CIB3: variants seen among roughly 807,000 people sequenced by gnomAD.
CIB3 encodes calcium and integrin binding family member 3, also known as calcium and integrin-binding family member 3.
In CIB3, 22 loss-of-function variants were observed where a neutral mutation model predicts 23.4. The observed-to-expected ratio is 0.94, with a 90% CI of 0.67 to 1.34. The LOEUF is 1.34. CIB3 is among the 40% of genes most tolerant of loss of function. The pLI, the probability that CIB3 is intolerant of heterozygous loss-of-function variation, is 0.00. For missense variants in CIB3, 258 were observed against 247.3 expected (o/e 1.04, Z -0.29); for synonymous variants, 93 against 95.8 (o/e 0.97, Z 0.17).
chr19:16,173,327 C>A (rs1300035541), intron 1 of CIB3, 98 bp downstream of exon 1: 5 of 1,557,480 alleles, frequency 3.2e-6, no homozygotes, highest in Non-Finnish European at 4.4e-6. Context: ...GGAACCCAGG[C>A]GGACGGTACA....
intron 5 of CIB3, among the ~76,000 whole-genome samples, chr19:16,162,577 C>A (rs543030524): frequency 2.0e-5 from 3 of 152,044 alleles, no homozygotes; most frequent in East Asian, 1.9e-4. Context: ...CATGGCGAAA[C>A]CTTATCTCTA....
intron 4 of CIB3, among the ~76,000 whole-genome samples, chr19:16,167,543 C>T (rs2091310778): frequency 6.6e-6 from 1 of 151,880 alleles, no homozygotes; most frequent in South Asian, 2.1e-4. Context: ...TAAGAAGGAG[C>T]CAGGGGAGCT....
At chr19:16,161,525 G>A (rs754374493) in intron 5 of CIB3, 39 bp from the exon 6 acceptor site, 5 of 1,612,276 alleles carry the variant, frequency 3.1e-6, no homozygotes, top group South Asian at 2.2e-5. Flanking sequence ...CCTTCAAGGA[G>A]TGGACAACCC....
chr19:16,168,231 G>T lies in CIB3; in HGVS notation c.252C>A (p.Gly84=), dbSNP rs1239146306. Residue 84 remains glycine, a synonymous_variant, in exon 4 of 6, where the codon GGC becomes GGA. Transcript: ENST00000269878. ...IAQVFSEDGD[G]HMTLDNFLDM... is the part of the protein sequence containing the mutation. The stretch of plus-strand genomic sequence containing the variant: ...CCAAAAAGTTGTCCAGGGTCATGTG[G>T]CCATCCCCATCCTCAGAGAATACCT... The T allele has an allele frequency of 1.9e-6, 3 of 1,613,638 alleles. No homozygotes were observed. The highest frequency in any genetic ancestry group is 1.7e-6 in the Non-Finnish European group (2 of 1,179,870).
At position 16,169,688 on chromosome 19, in the gene CIB3, G is replaced by T. The variant is rs1448333963; in HGVS notation, c.140C>A (p.Thr47Asn). The T allele has an allele frequency of 2.5e-6, 4 of 1,613,674 alleles. No homozygotes were observed. Among genetic ancestry groups the T allele is most frequent in the Non-Finnish European group, 3.4e-6 (4 of 1,179,768 alleles). Residue 47 changes from threonine to asparagine, a missense_variant, in exon 3 of 6, where the codon ACC (threonine) becomes AAC (asparagine). Physicochemically the swap from Thr to Asn is moderately conservative, Grantham distance 65. Coordinates refer to ENST00000269878, the MANE Select transcript of CIB3 (RefSeq NM_054113.4). The stretch of plus-strand genomic sequence containing the variant: ...GGGCACCTTCACATCGGGGCAGGTG[G>T]TATAGTCGAGGGGCACGAGCTGTGG... ...LAPQLVPLDYTTCPDVKVPYE... is the reference protein window; with the variant it reads ...LAPQLVPLDYNTCPDVKVPYE...
intron 5 of CIB3, among the ~76,000 whole-genome samples, chr19:16,163,314 GGA>G (rs2145076519): frequency 6.6e-6 from 1 of 152,242 alleles, no homozygotes; most frequent in East Asian, 1.9e-4. Flanking sequence ...CAGCAGTCTG[GGA>G]GGCCACAGTA....
intron 2 of CIB3, among the ~76,000 whole-genome samples, chr19:16,171,662 G>T (rs1232036951): frequency 6.6e-6 from 1 of 152,104 alleles, no homozygotes; most frequent in African/African-American, 2.4e-5. Context: ...AGAAGCTTGG[G>T]ACAGACAAAA....
chr19:16,166,388 A>T (rs55953892), intron 4 of CIB3, among the ~76,000 whole-genome samples: 1 of 152,136 alleles, frequency 6.6e-6, no homozygotes, highest in African/African-American at 2.4e-5. Context: ...TATTTCTTGA[A>T]CACGTACTAC....
At position 16,161,896 on chromosome 19, in the gene CIB3, G is replaced by A. The variant is rs190533031; in HGVS notation, c.543-410C>T. Among the ~76,000 whole-genome samples, 22 of 151,572 alleles carry A rather than the reference G, an allele frequency of 1.5e-4. No individual in the cohort carries two copies. In the South Asian group the frequency reaches 3.1e-3, roughly 22 times the overall value. On this transcript the variant is annotated intron_variant, in intron 5 of 5. Coordinates refer to ENST00000269878, the MANE Select transcript of CIB3 (RefSeq NM_054113.4). ...TTTCTCAACTTGCTTTGTTGCCCAG[G>A]CTGGTCTGGAACTCCTGTGCTCAAG...
Position 16,168,249 on chromosome 19 carries a change from G to T in CIB3, c.234C>A (p.Phe78Leu). 2 of 1,613,826 alleles carry T rather than the reference G, an allele frequency of 1.2e-6. No individual in the cohort carries two copies. Among genetic ancestry groups the T allele is most frequent in the Middle Eastern group, 1.7e-4 (1 of 6,060 alleles). ...TCATGTGGCCATCCCCATCCTCAGA[G>T]AATACCTGGGCAATCCTCTGGCGGA... is the stretch of plus-strand genomic sequence containing the variant. Reference protein sequence around the residue: ...NPFRQRIAQVFSEDGDGHMTL... With the variant: ...NPFRQRIAQVLSEDGDGHMTL... The change falls in exon 4 of 6, where the codon TTC becomes TTA. Residue 78 changes from phenylalanine (F) to leucine (L), a missense_variant. Phe to Leu is a conservative substitution (Grantham distance 22). Coordinates refer to ENST00000269878, the MANE Select transcript of CIB3 (RefSeq NM_054113.4).
chr19:16,165,432 A>AT (rs2091302192), intron 4 of CIB3, among the ~76,000 whole-genome samples: 1 of 142,402 alleles, frequency 7.0e-6, no homozygotes, highest in Non-Finnish European at 1.5e-5. Context: ...TATGCAATGA[A>AT]TTTTTCATTC....
intron 2 of CIB3, 113 bp downstream of exon 2, chr19:16,173,049 C>T: frequency 4.4e-6 from 4 of 909,960 alleles, no homozygotes; most frequent in Non-Finnish European, 6.8e-6. Context: ...CTTACACACA[C>T]ACACACACAC....
chr19:16,171,935 A>T (rs1053442127), intron 2 of CIB3, among the ~76,000 whole-genome samples: 3 of 152,238 alleles, frequency 2.0e-5, no homozygotes, highest in Admixed American at 6.5e-5. Flanking sequence ...CATAGCTCCA[A>T]GTTCATGGGT....
intron 3 of CIB3, 87 bp downstream of exon 3, chr19:16,169,543 G>A: frequency 8.6e-7 from 1 of 1,169,276 alleles, no homozygotes; most frequent in Non-Finnish European, 1.2e-6. Context: ...TTTAAAATGG[G>A]GATAACTGCA....
intron 4 of CIB3, 66 bp from the exon 5 acceptor site, chr19:16,164,979 T>G: frequency 7.5e-7 from 1 of 1,337,626 alleles, no homozygotes; most frequent in Non-Finnish European, 1.1e-6. Context: ...TGTGGGCACA[T>G]ACTGTGCCCA....
intron 4 of CIB3, 113 bp downstream of exon 4, chr19:16,168,024 C>T: frequency 7.3e-7 from 1 of 1,363,802 alleles, no homozygotes; most frequent in East Asian, 2.5e-5. Context: ...GAGGACAGGG[C>T]CACATAGGGC....
chr19:16,165,446 CTTTTT>C (rs71178646), intron 4 of CIB3, among the ~76,000 whole-genome samples: 1 of 149,826 alleles, frequency 6.7e-6, no homozygotes, highest in African/African-American at 2.5e-5. Flanking sequence ...TTCATTCGTT[CTTTTT>C]TTTTTTCTTT....
chr19:16,161,673 CTTTTTTTTTTT>C (rs55969649), intron 5 of CIB3, among the ~76,000 whole-genome samples, 187 bp from the exon 6 acceptor site: 2 of 100,056 alleles, frequency 2.0e-5, no homozygotes, highest in African/African-American at 3.7e-5. Flanking sequence ...TTTTTTAATT[CTTTTTTTTTTT>C]TTTTTTTTTT....
At chr19:16,173,253 G>A (rs561601030) in intron 1 of CIB3, 57 bp from the exon 2 acceptor site, 1 of 1,612,032 alleles carries the variant, frequency 6.2e-7, no homozygotes, top group South Asian at 1.1e-5. Flanking sequence ...TCCTCCCACG[G>A]CCTCCTCCCT....
Sources: allele counts gnomAD v4.1 joint callset (sites outside exome capture counted in the v4.1 genomes callset), GRCh38; gene constraint gnomAD v4.1.1; transcripts MANE v1.5; gene names NCBI Gene and HGNC (gene_info 2026-07-23, HGNC 2026-07-21).